The following ERBB4 variants were observed in gnomAD, a reference collection of about 807,000 sequenced individuals.
The protein encoded by ERBB4 is receptor tyrosine-protein kinase erbB-4.
Under a neutral mutation model 158.0 loss-of-function variants are expected in ERBB4, and 42 were observed. The observed-to-expected ratio is 0.27, with a 90% confidence interval of 0.21 to 0.34. The LOEUF is 0.34. Ranked by LOEUF, ERBB4 falls within the 10% of genes least tolerant of loss-of-function variation. ERBB4 has a pLI of 1.00. For missense variants in ERBB4, 1,333 were observed against 1,624.1 expected (o/e 0.82, Z 3.08); for synonymous variants, 583 against 558.7 (o/e 1.04, Z -0.61).
intron 5 of ERBB4, among the ~76,000 whole-genome samples, chr2:211,732,011 T>G (rs972834291): frequency 5.5e-5 from 7 of 126,338 alleles, no homozygotes; most frequent in African/African-American, 2.2e-4. Context: ...AGAAAATTCA[T>G]TTTTTTTTTT....
At chr2:211,808,953 C>T (rs2076684477) in intron 3 of ERBB4, among the ~76,000 whole-genome samples, 1 of 152,108 alleles carries the variant, frequency 6.6e-6, no homozygotes, top group Non-Finnish European at 1.5e-5. Flanking sequence ...TACAGGAATG[C>T]TTGTGATATT....
intron 17 of ERBB4, among the ~76,000 whole-genome samples, chr2:211,629,033 C>G (rs7605188): frequency 1 from 151,707 of 152,278 alleles, 75,572 homozygotes; most frequent in East Asian, 1. Context: ...TTTTTTTCTT[C>G]TAAATTTGTT....
At chr2:212,467,244 A>G (rs1339109755) in intron 1 of ERBB4, among the ~76,000 whole-genome samples, 2 of 152,260 alleles carry the variant, frequency 1.3e-5, no homozygotes, top group Non-Finnish European at 2.9e-5. Flanking sequence ...AGAAATTTGC[A>G]TAAGTAATGA....
At chr2:212,373,418 A>T (rs1227476209) in intron 1 of ERBB4, among the ~76,000 whole-genome samples, 1 of 151,994 alleles carries the variant, frequency 6.6e-6, no homozygotes, top group East Asian at 1.9e-4. Flanking sequence ...CAGTCAATGA[A>T]ACTGGAGATA....
chr2:212,298,457 G>C (rs759127016), intron 1 of ERBB4, among the ~76,000 whole-genome samples: 8 of 151,570 alleles, frequency 5.3e-5, no homozygotes, highest in Non-Finnish European at 1.5e-5. Context: ...CTCCAGAGTA[G>C]CTTCTCTTAT....
intron 2 of ERBB4, among the ~76,000 whole-genome samples, chr2:212,122,756 A>G (rs1472574244): frequency 6.6e-6 from 1 of 151,900 alleles, no homozygotes; most frequent in African/African-American, 2.4e-5. Context: ...CTGTTACCTT[A>G]CAAGACCATA....
In ERBB4 at chr2:212,127,069, C is replaced by T. The variant is rs2079953677; in HGVS notation, c.83-2166G>A. On this transcript the variant is annotated intron_variant, in intron 1 of 27. Coordinates refer to ENST00000342788, the MANE Select transcript of ERBB4 (RefSeq NM_005235.3). ...CTCTGTTACCAGCTAAATTGTGTGT[C>T]CTAAAAGACAAGTTGAAGTCCTAAT... is the stretch of plus-strand genomic sequence containing the variant. 2.0e-5 allele frequency among the ~76,000 whole-genome samples: 3 copies of T among 152,256 alleles called. No individual in the cohort carries two copies. The South Asian group carries it at 6.2e-4, about 32-fold the overall frequency.
intron 1 of ERBB4, among the ~76,000 whole-genome samples, chr2:212,212,559 A>G (rs1001981756): frequency 2.4e-4 from 36 of 152,094 alleles, no homozygotes; most frequent in Non-Finnish European, 2.9e-4. Context: ...ATTAAAAAAA[A>G]AAAAGGACTT....
intron 4 of ERBB4, among the ~76,000 whole-genome samples, chr2:211,781,539 TGA>T (rs2076036693): frequency 6.6e-6 from 1 of 152,164 alleles, no homozygotes. Flanking sequence ...GCTAAACCTA[TGA>T]GAGACAACCT....
At chr2:212,195,398 C>T (rs1362437744) in intron 1 of ERBB4, among the ~76,000 whole-genome samples, 9 of 151,936 alleles carry the variant, frequency 5.9e-5, no homozygotes, top group Non-Finnish European at 5.9e-5. Flanking sequence ...TAATCTGCTA[C>T]TTATAGTGTA....
chr2:211,953,771 G>C (rs1191053646), intron 2 of ERBB4, among the ~76,000 whole-genome samples: 1 of 151,894 alleles, frequency 6.6e-6, no homozygotes, highest in Non-Finnish European at 1.5e-5. Flanking sequence ...AATTTGTTTT[G>C]CTTATGACAT....
At chr2:212,176,653 C>T (rs949516811) in intron 1 of ERBB4, among the ~76,000 whole-genome samples, 1 of 151,972 alleles carries the variant, frequency 6.6e-6, no homozygotes, top group African/African-American at 2.4e-5. Context: ...ATTCATCCTT[C>T]TGTTTTTACC....
At chr2:212,445,650 T>C (rs781682215) in intron 1 of ERBB4, among the ~76,000 whole-genome samples, 10 of 152,186 alleles carry the variant, frequency 6.6e-5, no homozygotes, top group Admixed American at 6.5e-4. Flanking sequence ...GGGCATAGCT[T>C]AGTATTACCA....
rs7589093 is a variant in ERBB4, at chr2:211,605,217, T to C, written c.2301+13960A>G. Reference sequence around the variant, plus strand: ...AATCTAAAAGGGAGAAAATAATTTATTGATTAGAAATGGGCAATGGTGCCT... The same window carrying C: ...AATCTAAAAGGGAGAAAATAATTTACTGATTAGAAATGGGCAATGGTGCCT... On this transcript the variant is annotated intron_variant, in intron 19 of 27. Coordinates refer to ENST00000342788, the MANE Select transcript of ERBB4 (RefSeq NM_005235.3). 5.1e-3 allele frequency among the ~76,000 whole-genome samples: 770 copies of C among 152,260 alleles called. 9 individuals are homozygous for C. The highest frequency in any genetic ancestry group is 0.017 in the African/African-American group (688 of 41,566).
chr2:212,494,994 C>T (rs1690481031), intron 1 of ERBB4, among the ~76,000 whole-genome samples: 3 of 152,036 alleles, frequency 2.0e-5, no homozygotes, highest in Admixed American at 1.3e-4. Flanking sequence ...TCCAAAAATA[C>T]TTATAAAAAT....
intron 3 of ERBB4, among the ~76,000 whole-genome samples, chr2:211,891,758 A>C (rs1432387761): frequency 7.1e-6 from 1 of 139,960 alleles, no homozygotes; most frequent in Non-Finnish European, 1.5e-5. Context: ...ACAAACTACC[A>C]TCAGAGAATA....
intron 1 of ERBB4, among the ~76,000 whole-genome samples, chr2:212,129,872 G>A (rs2080059028): frequency 6.6e-6 from 1 of 151,838 alleles, no homozygotes; most frequent in Non-Finnish European, 1.5e-5. Flanking sequence ...TTTCATTTAT[G>A]TTTGATTCAA....
chr2:211,770,569 C>T (rs2075666712), intron 4 of ERBB4, among the ~76,000 whole-genome samples: 2 of 152,068 alleles, frequency 1.3e-5, no homozygotes, highest in South Asian at 4.1e-4. Context: ...AGTGAAAATG[C>T]TTGTTAAAAT....
intron 1 of ERBB4, among the ~76,000 whole-genome samples, chr2:212,465,403 T>C (rs1031694778): frequency 1.3e-5 from 2 of 152,164 alleles, no homozygotes; most frequent in African/African-American, 4.8e-5. Context: ...GCGCACCTCT[T>C]TGCTGAATGG....
Sources: gnomAD v4.1 joint callset for allele counts (sites outside exome capture counted in the v4.1 genomes callset) on GRCh38, gnomAD v4.1.1 for gene constraint, MANE v1.5 for transcripts, NCBI Gene and HGNC (gene_info 2026-07-23, HGNC 2026-07-21) for gene names.